Variants in PRRX1 observed in about 807,000 individuals in gnomAD.
PRRX1 encodes the protein paired mesoderm homeobox protein 1.
In PRRX1, 8 loss-of-function variants were observed where a neutral mutation model predicts 24.0. The ratio of observed to expected loss-of-function variants is 0.33; its 90% CI spans 0.20 to 0.60. PRRX1 has a LOEUF of 0.60. Ranked by LOEUF, PRRX1 falls within the 20% of genes least tolerant of loss-of-function variation. The probability of loss-of-function intolerance (pLI) is 0.82; values close to 1 mark genes in which losing one functional copy is unlikely to be tolerated. For missense variants in PRRX1, 281 were observed against 322.4 expected (o/e 0.87, Z 0.98); for synonymous variants, 160 against 131.7 (o/e 1.22, Z -1.47).
At chr1:170,714,652 G>A (rs1185605063) in intron 1 of PRRX1, among the ~76,000 whole-genome samples, 4 of 152,202 alleles carry the variant, frequency 2.6e-5, no homozygotes, top group South Asian at 2.1e-4. Context: ...AGAGGGTGAG[G>A]GGTGTTGGAG....
chr1:170,725,276 C>G (rs1655221432), intron 2 of PRRX1, among the ~76,000 whole-genome samples: 1 of 152,048 alleles, frequency 6.6e-6, no homozygotes, highest in Non-Finnish European at 1.5e-5. Flanking sequence ...GCACACGTAT[C>G]CCAGAACTTA....
chr1:170,727,480 T>G (rs1214515481), intron 3 of PRRX1: 1 of 152,204 alleles, frequency 6.6e-6, no homozygotes, highest in Non-Finnish European at 1.5e-5. Context: ...TAATTATTGG[T>G]TTAAGGAGAG....
At chr1:170,679,693 C>T (rs2096615870) in intron 1 of PRRX1, among the ~76,000 whole-genome samples, 1 of 152,072 alleles carries the variant, frequency 6.6e-6, no homozygotes, top group South Asian at 2.1e-4. Flanking sequence ...TATTTTTTGT[C>T]ATATATTGAT....
intron 1 of PRRX1, among the ~76,000 whole-genome samples, chr1:170,718,572 C>A (rs1208106182): frequency 6.6e-6 from 1 of 152,222 alleles, no homozygotes; most frequent in Admixed American, 6.5e-5. Flanking sequence ...TTCTCCCCAT[C>A]CTCACTCCAA....
At chr1:170,678,269 T>A (rs939550852) in intron 1 of PRRX1, among the ~76,000 whole-genome samples, 2 of 152,240 alleles carry the variant, frequency 1.3e-5, no homozygotes, top group Non-Finnish European at 2.9e-5. Flanking sequence ...CACTTCTATA[T>A]CATGAAACAT....
At chr1:170,713,466 A>G (rs1464969995) in intron 1 of PRRX1, among the ~76,000 whole-genome samples, 1 of 152,220 alleles carries the variant, frequency 6.6e-6, no homozygotes. Context: ...GCGCTATAGA[A>G]AAGTATTTGT....
At chr1:170,735,038 G>T (rs1356147856) in intron 3 of PRRX1, among the ~76,000 whole-genome samples, 1 of 152,074 alleles carries the variant, frequency 6.6e-6, no homozygotes, top group Non-Finnish European at 1.5e-5. Context: ...AGTTGAAAGG[G>T]ATTTTGCTAA....
chr1:170,702,141 G>A (rs1057367974), intron 1 of PRRX1, among the ~76,000 whole-genome samples: 10 of 152,170 alleles, frequency 6.6e-5, no homozygotes, highest in Non-Finnish European at 1.5e-4. Flanking sequence ...GTTTCTACTC[G>A]TATAAGAATC....
intron 1 of PRRX1, among the ~76,000 whole-genome samples, chr1:170,696,002 T>C (rs1446837586): frequency 1.3e-5 from 2 of 152,158 alleles, no homozygotes; most frequent in African/African-American, 4.8e-5. Context: ...ACATAAAGGC[T>C]TTGTTTGGCC....
chr1:170,691,460 C>A (rs1408557125), intron 1 of PRRX1, among the ~76,000 whole-genome samples: 1 of 112,212 alleles, frequency 8.9e-6, no homozygotes, highest in Admixed American at 9.3e-5. Context: ...CCTTTCCTTT[C>A]CTTTCCTTTC....
chr1:170,670,368 C>G (rs2101884437), intron 1 of PRRX1, among the ~76,000 whole-genome samples: 1 of 152,280 alleles, frequency 6.6e-6, no homozygotes, highest in Admixed American at 6.5e-5. Flanking sequence ...CAGTCTCAAA[C>G]AGCAATAATA....
chr1:170,669,953 T>C (rs892781596), intron 1 of PRRX1, among the ~76,000 whole-genome samples: 2 of 152,206 alleles, frequency 1.3e-5, no homozygotes, highest in Admixed American at 1.3e-4. Context: ...AGAAGTGTTT[T>C]GGGGGTCAGA....
intron 1 of PRRX1, 37 bp from the exon 2 acceptor site, chr1:170,719,689 G>T: frequency 1.2e-6 from 2 of 1,607,906 alleles, no homozygotes; most frequent in South Asian, 1.1e-5. Flanking sequence ...CTCCTACAGT[G>T]AATTTGGCTT....
chr1:170,692,713 C>CCTCTCTCT (rs375918496), intron 1 of PRRX1, among the ~76,000 whole-genome samples: 3 of 138,958 alleles, frequency 2.2e-5, no homozygotes, highest in African/African-American at 5.5e-5. Flanking sequence ...ACTAACAAAT[C>CCTCTCTCT]CTCTCTCTCT....
At position 170,736,849 on chromosome 1, in the gene PRRX1, C is replaced by A; in HGVS notation, c.*663C>A. 5.1e-6 allele frequency: 1 copy of A among 194,862 alleles called. No homozygotes were observed. The highest frequency in any genetic ancestry group is 7.9e-5 in the East Asian group (1 of 12,722). The allele number at this position is 194,862 out of a possible 1,614,324, so 12.1% of individuals were successfully genotyped here. A position where few individuals can be genotyped will look rare whatever the true frequency, so the allele number is the denominator to read the frequency against. On this transcript the variant is annotated 3_prime_UTR_variant, in exon 4 of 4. Transcript: ENST00000239461. ...TGTAATTGGCTGCGTCTGGCTAATT[C>A]TAAGCACTAAAGTCTACATCTAAGC...
chr1:170,715,837 C>G (rs1227189489), intron 1 of PRRX1, among the ~76,000 whole-genome samples: 5 of 152,186 alleles, frequency 3.3e-5, no homozygotes, highest in Non-Finnish European at 7.3e-5. Flanking sequence ...CTCTTTATAA[C>G]AGCTAGTATG....
intron 3 of PRRX1, among the ~76,000 whole-genome samples, chr1:170,735,464 C>A (rs1558065610): frequency 6.6e-6 from 1 of 152,164 alleles, no homozygotes. Context: ...CTTGATTCAG[C>A]AAGCTTGGTG....
intron 1 of PRRX1, among the ~76,000 whole-genome samples, chr1:170,670,119 C>T (rs1017798833): frequency 5.9e-5 from 9 of 152,156 alleles, no homozygotes; most frequent in African/African-American, 1.9e-4. Context: ...CGTGTCCAAA[C>T]ATTTAGAGAA....
intron 1 of PRRX1, among the ~76,000 whole-genome samples, chr1:170,682,030 G>C (rs986719047): frequency 6.6e-6 from 1 of 152,106 alleles, no homozygotes; most frequent in African/African-American, 2.4e-5. Context: ...TTGTGATTAG[G>C]TTCCTAGGAA....
Sources: allele counts gnomAD v4.1 joint callset (sites outside exome capture counted in the v4.1 genomes callset), GRCh38; gene constraint gnomAD v4.1.1; transcripts MANE v1.5; gene names NCBI Gene and HGNC (gene_info 2026-07-23, HGNC 2026-07-21).